The following CLEC16A variants were observed in gnomAD, a reference collection of about 807,000 sequenced individuals.
CLEC16A encodes protein CLEC16A.
CLEC16A carries 51 observed loss-of-function variants against 109.5 expected under a neutral mutation model. The observed-to-expected ratio is 0.47, with a 90% CI of 0.37 to 0.59. CLEC16A has a LOEUF of 0.59. CLEC16A is among the 20% of genes least tolerant of loss of function. The pLI, the probability that CLEC16A is intolerant of heterozygous loss-of-function variation, is 0.00. For missense variants in CLEC16A, 1,339 were observed against 1,394.0 expected, an observed-to-expected ratio of 0.96 and a Z score of 0.63; for synonymous variants, 673 against 564.2, an observed-to-expected ratio of 1.19 and a Z score of -2.73.
chr16:11,123,637 G>A, intron 20 of CLEC16A, 105 bp from the exon 21 acceptor site: 3 of 1,080,524 alleles, frequency 2.8e-6, no homozygotes, highest in Non-Finnish European at 4.2e-6. Context: ...CAAAAGCAGA[G>A]ATGAATTTGG....
At position 11,094,402 on chromosome 16, in the gene CLEC16A, C is replaced by T. The variant is rs150831267; in HGVS notation, c.2117-26213C>T. Among the ~76,000 whole-genome samples the T allele has an allele frequency of 7.0e-4, 106 of 152,326 alleles. 1 individual carries two copies. The East Asian group carries it at 0.016, about 24-fold the overall frequency. ...TTCTGGAAGCCAGAGCCGGCTTCATCTACAGATGTGAGGTTTGTGGGAGGA... is the reference window on the plus strand; with the variant it reads ...TTCTGGAAGCCAGAGCCGGCTTCATTTACAGATGTGAGGTTTGTGGGAGGA... On this transcript the variant is annotated intron_variant, in intron 19 of 23. Transcript: ENST00000409790.
chr16:11,164,049 G>T (rs190867540), intron 22 of CLEC16A, among the ~76,000 whole-genome samples: 1 of 152,116 alleles, frequency 6.6e-6, no homozygotes, highest in Non-Finnish European at 1.5e-5. Flanking sequence ...TGGATTTGCC[G>T]GATGTTTGCC....
chr16:11,115,693 G>C (rs967089758), intron 19 of CLEC16A, among the ~76,000 whole-genome samples: 1 of 151,798 alleles, frequency 6.6e-6, no homozygotes, highest in African/African-American at 2.4e-5. Context: ...ATTGAGTAAA[G>C]AAAACAAACC....
intron 22 of CLEC16A, among the ~76,000 whole-genome samples, chr16:11,127,838 C>T (rs1540357): frequency 0.026 from 3,924 of 152,200 alleles, 74 homozygotes; most frequent in Middle Eastern, 0.051. Flanking sequence ...CCATTGCCCT[C>T]CAGCCTGGGC....
At chr16:11,047,126 G>A (rs546281744) in intron 16 of CLEC16A, among the ~76,000 whole-genome samples, 166 bp from the exon 17 acceptor site, 17 of 152,214 alleles carry the variant, frequency 1.1e-4, no homozygotes, top group South Asian at 1.0e-3. Context: ...TCATTTGAGC[G>A]TGTGTGTTTG....
chr16:11,153,391 G>C (rs568041171), intron 22 of CLEC16A, among the ~76,000 whole-genome samples: 1 of 152,140 alleles, frequency 6.6e-6, no homozygotes, highest in South Asian at 2.1e-4. Context: ...CACTTGTGAG[G>C]AGTTGACAGC....
intron 4 of CLEC16A, 73 bp downstream of exon 4, chr16:10,969,382 C>T (rs1337926083): frequency 5.9e-6 from 6 of 1,021,614 alleles, no homozygotes; most frequent in Middle Eastern, 2.1e-4. Flanking sequence ...TTTACGGCAG[C>T]GCCTTATATC....
At chr16:10,972,445 GTC>G (rs1307588265) in intron 5 of CLEC16A, 107 bp from the exon 6 acceptor site, 1 of 942,530 alleles carries the variant, frequency 1.1e-6, no homozygotes, top group Non-Finnish European at 1.7e-6. Flanking sequence ...TCCCACCCTA[GTC>G]TCTCTCCCTC....
chr16:11,015,113 C>G (rs2045663531), intron 11 of CLEC16A, among the ~76,000 whole-genome samples: 3 of 152,288 alleles, frequency 2.0e-5, no homozygotes, highest in Admixed American at 6.5e-5. Context: ...ATAAAACTAT[C>G]AAAAAGAAGA....
rs563400980 is a variant in CLEC16A at position 11,060,408 on chromosome 16, C to T, written c.1996-494C>T. On this transcript the variant is annotated intron_variant, in intron 18 of 23. Coordinates refer to ENST00000409790, the MANE Select transcript of CLEC16A (RefSeq NM_015226.3). ...TTTCACCCTCTTCTGTCTGCCCCAC[C>T]CCCGTATTCAGTAGGTAGTACCTTG... 8.8e-4 allele frequency among the ~76,000 whole-genome samples: 134 copies of T among 152,366 alleles called. 1 individual carries two copies. Among genetic ancestry groups the T allele is most frequent in the Middle Eastern group, 3.4e-3 (1 of 294 alleles).
intron 1 of CLEC16A, among the ~76,000 whole-genome samples, chr16:10,946,938 T>A (rs1017627295): frequency 1.3e-5 from 2 of 152,226 alleles, no homozygotes; most frequent in Non-Finnish European, 2.9e-5. Flanking sequence ...ATACTGTCTT[T>A]CTGAATAAAA....
At chr16:11,108,015 G>C (rs2051329406) in intron 19 of CLEC16A, among the ~76,000 whole-genome samples, 1 of 152,234 alleles carries the variant, frequency 6.6e-6, no homozygotes, top group Non-Finnish European at 1.5e-5. Context: ...CTGTCATCAG[G>C]GAGGCATGCG....
intron 22 of CLEC16A, among the ~76,000 whole-genome samples, chr16:11,129,665 C>T (rs766778720): frequency 2.6e-5 from 4 of 152,108 alleles, no homozygotes; most frequent in Non-Finnish European, 4.4e-5. Context: ...CTCCCGCTAA[C>T]GGCTCAGGCT....
chr16:10,968,765 T>G (rs774133264), intron 3 of CLEC16A, among the ~76,000 whole-genome samples: 1 of 152,128 alleles, frequency 6.6e-6, no homozygotes, highest in Non-Finnish European at 1.5e-5. Flanking sequence ...TCAGAGTTGA[T>G]GATGTGATTT....
intron 19 of CLEC16A, among the ~76,000 whole-genome samples, chr16:11,063,606 G>A (rs962897261): frequency 1.3e-5 from 2 of 152,082 alleles, no homozygotes; most frequent in African/African-American, 4.8e-5. Context: ...TGTATTCACT[G>A]CCCCTTGTCA....
chr16:11,038,274 G>A (rs981352713), intron 13 of CLEC16A, among the ~76,000 whole-genome samples: 4 of 152,144 alleles, frequency 2.6e-5, no homozygotes, highest in East Asian at 1.9e-4. Context: ...TAAATGAAGC[G>A]TCATCTGGTA....
At chr16:11,118,986 G>A (rs1006877657) in intron 19 of CLEC16A, among the ~76,000 whole-genome samples, 2 of 152,024 alleles carry the variant, frequency 1.3e-5, no homozygotes, top group African/African-American at 4.8e-5. Flanking sequence ...ATTCTGTTCT[G>A]TTGGTCCATG....
At chr16:10,973,362 T>C (rs915276502) in intron 7 of CLEC16A, among the ~76,000 whole-genome samples, 5 of 152,160 alleles carry the variant, frequency 3.3e-5, no homozygotes, top group African/African-American at 1.2e-4. Flanking sequence ...ATTAACAAAA[T>C]GTAGTCTGTC....
intron 22 of CLEC16A, 49 bp downstream of exon 22, chr16:11,126,195 G>T: frequency 5.0e-6 from 8 of 1,610,166 alleles, no homozygotes; most frequent in African/African-American, 1.3e-5. Flanking sequence ...CATGGTGGGC[G>T]TTCAAGGTCT....
Sources: allele counts gnomAD v4.1 joint callset (sites outside exome capture counted in the v4.1 genomes callset), GRCh38; gene constraint gnomAD v4.1.1; transcripts MANE v1.5; gene names NCBI Gene and HGNC (gene_info 2026-07-23, HGNC 2026-07-21).